ST8SIA1: variants seen among roughly 807,000 people sequenced by gnomAD.
ST8SIA1 encodes alpha-N-acetylneuraminide alpha-2,8-sialyltransferase.
In ST8SIA1, 16 loss-of-function variants were observed where a neutral mutation model predicts 35.9. The observed-to-expected ratio is 0.45, with a 90% confidence interval of 0.30 to 0.68. The LOEUF (loss-of-function observed/expected upper bound fraction) is 0.68, where lower values mean the gene tolerates loss of function less well. Among genes scored for constraint, ST8SIA1 ranks in the 30% least tolerant of loss-of-function variants. The probability of loss-of-function intolerance (pLI) is 0.09; values close to 1 mark genes in which losing one functional copy is unlikely to be tolerated. For synonymous variants in ST8SIA1, 170 were observed against 169.6 expected (o/e 1.00, Z -0.02); for missense variants, 383 against 453.6 (o/e 0.84, Z 1.41).
At chr12:22,240,964 A>G (rs1865533407) in intron 4 of ST8SIA1, among the ~76,000 whole-genome samples, 1 of 146,580 alleles carries the variant, frequency 6.8e-6, no homozygotes, top group Non-Finnish European at 1.5e-5. Flanking sequence ...TCTGTTTCCT[A>G]GTTCATGCCA....
chr12:22,244,666 C>T (rs910836714), intron 4 of ST8SIA1, among the ~76,000 whole-genome samples: 1 of 151,952 alleles, frequency 6.6e-6, no homozygotes, highest in Non-Finnish European at 1.5e-5. Flanking sequence ...CCATGTTGTC[C>T]GGACTGGTCT....
In ST8SIA1 at chr12:22,201,574, G is replaced by T. The variant is rs1591822118; in HGVS notation, c.1049C>A (p.Thr350Asn). 1 of 1,611,228 alleles carries T rather than the reference G, an allele frequency of 6.2e-7. No homozygotes were observed. Among genetic ancestry groups the T allele is most frequent in the East Asian group, 2.2e-5 (1 of 44,878 alleles). ...LRMQLDPCED[T>N]SLQPTS ...TTCCTAGGAAGTGGGCTGGAGTGAG[G>T]TATCTTCACATGGGTCCAGCTGCAT... Residue 350 changes from threonine to asparagine, a missense_variant, in exon 5 of 5, where the codon ACC becomes AAC. Coordinates refer to ENST00000396037, the MANE Select transcript of ST8SIA1 (RefSeq NM_003034.4).
chr12:22,198,523 A>ACACACG lies in ST8SIA1; in HGVS notation c.*3028_*3029insCGTGTG, dbSNP rs1865014799. 7.6e-5 allele frequency: 1 copy of ACACACG among 13,206 alleles called. No individual in the cohort carries two copies. The highest frequency in any genetic ancestry group is 1.6e-4 in the Non-Finnish European group (1 of 6,186). The allele number at this position is 13,206 out of a possible 1,614,324, so 0.8% of individuals were successfully genotyped here. On this transcript the variant is annotated 3_prime_UTR_variant, in exon 5 of 5. Transcript: ENST00000396037. ...GGATAGAGATGCCTAACTTCATGCT[A>ACACACG]CACACACACACACACACACACACAC... is the stretch of plus-strand genomic sequence containing the variant.
rs1865036636 is a variant in ST8SIA1, at chr12:22,200,401, T to C, written c.*1151A>G. ...CACAGTAATGAGCTTTGTTTAACTT[T>C]GTGTGTGTGTATGTGTGTCTACATG... On this transcript the variant is annotated 3_prime_UTR_variant, in exon 5 of 5. Transcript: ENST00000396037. 1 of 152,190 alleles carries C rather than the reference T, an allele frequency of 6.6e-6. No homozygotes were observed. The highest frequency in any genetic ancestry group is 6.5e-5 in the Admixed American group (1 of 15,274). The allele number at this position is 152,190 out of a possible 1,614,324, so 9.4% of individuals were successfully genotyped here. A position where few individuals can be genotyped will look rare whatever the true frequency, so the allele number is the denominator to read the frequency against.
intron 2 of ST8SIA1, among the ~76,000 whole-genome samples, chr12:22,257,378 A>ATTTTTTTT (rs34136511): frequency 8.4e-6 from 1 of 118,602 alleles, no homozygotes; most frequent in Admixed American, 9.0e-5. Context: ...TGCCCAGCTA[A>ATTTTTTTT]TTTTTTTTTT....
rs141237636 is a variant in ST8SIA1 at position 22,235,077 on chromosome 12, G to A, written c.584+13929C>T. On this transcript the variant is annotated intron_variant, in intron 4 of 4. Coordinates refer to ENST00000396037, the MANE Select transcript of ST8SIA1 (RefSeq NM_003034.4). Reference sequence around the variant, plus strand: ...TGTATTGTGTGTGTGCGCAGGGTGTGTGTGTCCAAAGAGATTCAGATATGA... The same window carrying A: ...TGTATTGTGTGTGTGCGCAGGGTGTATGTGTCCAAAGAGATTCAGATATGA... 2.0e-5 allele frequency among the ~76,000 whole-genome samples: 3 copies of A among 152,272 alleles called. No individual in the cohort carries two copies. The East Asian group carries it at 5.8e-4, about 29-fold the overall frequency.
intron 1 of ST8SIA1, among the ~76,000 whole-genome samples, chr12:22,300,668 G>A (rs1332724998): frequency 6.6e-6 from 1 of 152,062 alleles, no homozygotes; most frequent in Non-Finnish European, 1.5e-5. Flanking sequence ...AAGACTGAAG[G>A]TTTTTGCCTT....
chr12:22,268,453 C>T (rs1374017179), intron 2 of ST8SIA1: 1 of 152,194 alleles, frequency 6.6e-6, no homozygotes, highest in Non-Finnish European at 1.5e-5. Context: ...TTTCACACTA[C>T]TAATAAAGAC....
chr12:22,285,884 A>C (rs916636340), intron 2 of ST8SIA1, among the ~76,000 whole-genome samples: 1 of 150,730 alleles, frequency 6.6e-6, no homozygotes. Flanking sequence ...AAACAAAAAA[A>C]AAAAAAAAAA....
chr12:22,325,975 G>T, intron 1 of ST8SIA1: 1 of 655,334 alleles, frequency 1.5e-6, no homozygotes, highest in South Asian at 1.7e-5. Context: ...GACATAGTGG[G>T]ACAAAGTGAA....
At position 22,334,352 on chromosome 12, in the gene ST8SIA1, G is replaced by T; in HGVS notation, c.-120C>A. The T allele has an allele frequency of 1.4e-6, 1 of 703,344 alleles. No homozygotes were observed. The highest frequency in any genetic ancestry group is 2.3e-6 in the Non-Finnish European group (1 of 427,156). The allele number at this position is 703,344 out of a possible 1,614,324, so 43.6% of individuals were successfully genotyped here. A position where few individuals can be genotyped will look rare whatever the true frequency, so the allele number is the denominator to read the frequency against. ...ACACACACCTTTGGTTCTCTTACTT[G>T]CAAACGCACGCACGCTTCTTCGGCC... On this transcript the variant is annotated 5_prime_UTR_variant, in exon 1 of 5. Coordinates refer to ENST00000396037, the MANE Select transcript of ST8SIA1 (RefSeq NM_003034.4).
At chr12:22,252,368 G>A (rs539083865) in intron 3 of ST8SIA1, among the ~76,000 whole-genome samples, 3 of 152,120 alleles carry the variant, frequency 2.0e-5, no homozygotes, top group South Asian at 2.1e-4. Context: ...ATAATATCTC[G>A]ATACATTAAG....
intron 4 of ST8SIA1, among the ~76,000 whole-genome samples, chr12:22,211,978 T>C (rs1051381464): frequency 2.0e-5 from 3 of 152,206 alleles, no homozygotes; most frequent in Non-Finnish European, 4.4e-5. Flanking sequence ...CCCAAAGTAC[T>C]GGGATTACAG....
rs1865017630 is a variant in ST8SIA1, at chr12:22,198,731, A to G, written c.*2821T>C. On this transcript the variant is annotated 3_prime_UTR_variant, in exon 5 of 5. Transcript: ENST00000396037. ...GACAAGGTGGAACAATCAAAATTTC[A>G]TTTTGGTCTAATCCAGGTCTAATCC... is the stretch of plus-strand genomic sequence containing the variant. 6.6e-6 allele frequency: 1 copy of G among 152,156 alleles called. No individual in the cohort carries two copies. The highest frequency in any genetic ancestry group is 1.5e-5 in the Non-Finnish European group (1 of 68,032). 9.4% of individuals were successfully genotyped at this position (152,156 alleles called of 1,614,324 possible).
chr12:22,293,939 G>A (rs557165498), intron 1 of ST8SIA1, among the ~76,000 whole-genome samples: 15 of 152,018 alleles, frequency 9.9e-5, no homozygotes, highest in Non-Finnish European at 1.3e-4. Flanking sequence ...AAAACTAAGC[G>A]GCAGATTTCA....
chr12:22,203,481 A>T (rs1293353955), intron 4 of ST8SIA1, among the ~76,000 whole-genome samples: 1 of 152,218 alleles, frequency 6.6e-6, no homozygotes, highest in Admixed American at 6.5e-5. Context: ...CTGCCCAGAA[A>T]GGTATGTTTC....
In ST8SIA1 at chr12:22,334,125, A is replaced by T; in HGVS notation, c.108T>A (p.Cys36Ter). The change falls in exon 1 of 5, where the codon TGT (cysteine) becomes TGA (stop). Residue 36 changes from cysteine (C) to a stop codon, truncating the protein, a stop_gained. Transcript: ENST00000396037. LOFTEE classifies it high-confidence loss of function. ...TGTAGAGCCAACAGAGGACCACGACACAGAGGGCACTGGCTCCCATGGGCA... is the reference window on the plus strand; with the variant it reads ...TGTAGAGCCAACAGAGGACCACGACTCAGAGGGCACTGGCTCCCATGGGCA... ...TRLPMGASAL[C>*]VVVLCWLYIF... 1 of 1,613,988 alleles carries T rather than the reference A, an allele frequency of 6.2e-7. No individual in the cohort carries two copies. The highest frequency in any genetic ancestry group is 8.5e-7 in the Non-Finnish European group (1 of 1,179,982).
chr12:22,260,984 C>T (rs1865784621), intron 2 of ST8SIA1, among the ~76,000 whole-genome samples: 1 of 150,800 alleles, frequency 6.6e-6, no homozygotes, highest in South Asian at 2.1e-4. Context: ...TCAAGCAATC[C>T]TCCTGCCTCA....
At chr12:22,299,488 T>A (rs1357586589) in intron 1 of ST8SIA1, among the ~76,000 whole-genome samples, 1 of 152,106 alleles carries the variant, frequency 6.6e-6, no homozygotes, top group Non-Finnish European at 1.5e-5. Context: ...TCCAAGCATG[T>A]CATGAATAGT....
Sources: gnomAD v4.1 joint callset for allele counts (sites outside exome capture counted in the v4.1 genomes callset) on GRCh38, gnomAD v4.1.1 for gene constraint, MANE v1.5 for transcripts, NCBI Gene and HGNC (gene_info 2026-07-23, HGNC 2026-07-21) for gene names.